APBA2: variants seen among roughly 807,000 people sequenced by gnomAD.
APBA2 encodes amyloid beta precursor protein binding family A member 2, also known as amyloid-beta A4 precursor protein-binding family A member 2.
In APBA2, 30 loss-of-function variants were observed where a neutral mutation model predicts 75.0. The ratio of observed to expected loss-of-function variants is 0.40; its 90% CI spans 0.30 to 0.54. APBA2 has a LOEUF of 0.54. Among genes scored for constraint, APBA2 ranks in the 20% least tolerant of loss-of-function variants. The probability of loss-of-function intolerance (pLI) is 0.49; values close to 1 mark genes in which losing one functional copy is unlikely to be tolerated. For synonymous variants in APBA2, 444 were observed against 409.6 expected (o/e 1.08, Z -1.01); for missense variants, 801 against 1,016.1 (o/e 0.79, Z 2.88).
intron 2 of APBA2, among the ~76,000 whole-genome samples, chr15:28,933,970 G>T (rs1321902177): frequency 6.6e-6 from 1 of 152,176 alleles, no homozygotes; most frequent in African/African-American, 2.4e-5. Flanking sequence ...AGGAGAAAGG[G>T]GGGCATGGGC....
intron 3 of APBA2, among the ~76,000 whole-genome samples, chr15:29,001,850 A>C (rs1031616510): frequency 9.9e-5 from 15 of 152,194 alleles, no homozygotes; most frequent in African/African-American, 3.6e-4. Context: ...AGCACGAGGA[A>C]CTGTGAGCCC....
At chr15:29,101,332 C>T (rs773953541) in intron 9 of APBA2, among the ~76,000 whole-genome samples, 1 of 151,716 alleles carries the variant, frequency 6.6e-6, no homozygotes, top group African/African-American at 2.4e-5. Context: ...ACAGTTCAAG[C>T]GATTCTCCTG....
chr15:29,053,600 G>C (rs538808442), intron 3 of APBA2, among the ~76,000 whole-genome samples: 1 of 152,092 alleles, frequency 6.6e-6, no homozygotes, highest in Admixed American at 6.5e-5. Context: ...GTGTGTCCTC[G>C]TGAGTTGCCG....
intron 6 of APBA2, among the ~76,000 whole-genome samples, chr15:29,080,018 C>T (rs2043019857): frequency 6.6e-6 from 1 of 152,100 alleles, no homozygotes; most frequent in Non-Finnish European, 1.5e-5. Context: ...TGTGTGCAGT[C>T]CCATGGCTGT....
At chr15:28,971,248 G>T (rs962279952) in intron 2 of APBA2, among the ~76,000 whole-genome samples, 2 of 152,024 alleles carry the variant, frequency 1.3e-5, no homozygotes, top group South Asian at 4.2e-4. Flanking sequence ...TTGGATAAGG[G>T]GGGATCCCTG....
At chr15:29,006,488 C>T (rs1315815391) in intron 3 of APBA2, among the ~76,000 whole-genome samples, 2 of 152,140 alleles carry the variant, frequency 1.3e-5, no homozygotes, top group African/African-American at 4.8e-5. Flanking sequence ...CTATATTAGT[C>T]CATTCTCATG....
At chr15:29,020,571 C>A (rs2039901915) in intron 3 of APBA2, among the ~76,000 whole-genome samples, 1 of 151,858 alleles carries the variant, frequency 6.6e-6, no homozygotes, top group Non-Finnish European at 1.5e-5. Flanking sequence ...TTTGAGAGGC[C>A]GAGAGGGGTG....
At chr15:28,952,913 A>G (rs1225698896) in intron 2 of APBA2, among the ~76,000 whole-genome samples, 1 of 152,228 alleles carries the variant, frequency 6.6e-6, no homozygotes, top group Non-Finnish European at 1.5e-5. Flanking sequence ...TCAAGCAGCT[A>G]ATGGAGATCG....
intron 2 of APBA2, among the ~76,000 whole-genome samples, chr15:28,924,254 A>T (rs189739855): frequency 0.033 from 5,036 of 151,592 alleles, 280 homozygotes; most frequent in African/African-American, 0.11. Context: ...TTTTTTTTTT[A>T]AAAAAGTGGG....
At chr15:28,951,785 G>A (rs563593807) in intron 2 of APBA2, among the ~76,000 whole-genome samples, 2 of 148,218 alleles carry the variant, frequency 1.3e-5, no homozygotes, top group South Asian at 4.4e-4. Flanking sequence ...GTTTCACCAT[G>A]TTGGCCAGGA....
chr15:28,928,558 A>T (rs2152684398), intron 2 of APBA2, among the ~76,000 whole-genome samples: 1 of 152,178 alleles, frequency 6.6e-6, no homozygotes, highest in African/African-American at 2.4e-5. Context: ...ACTGTCACAG[A>T]TGTTTCTTCT....
intron 3 of APBA2, among the ~76,000 whole-genome samples, chr15:29,039,182 A>G (rs377113705): frequency 5.6e-5 from 8 of 142,204 alleles, no homozygotes; most frequent in Admixed American, 2.2e-4. Flanking sequence ...GAGGAGTTGC[A>G]TTGCTTCCCT....
In APBA2 at chr15:29,055,878, T is replaced by G. The variant is rs74007067; in HGVS notation, c.951+1043T>G. Among the ~76,000 whole-genome samples, 446 of 152,292 alleles carry G rather than the reference T, an allele frequency of 2.9e-3. 3 individuals carry two copies. Among genetic ancestry groups the G allele is most frequent in the African/African-American group, 0.01 (419 of 41,546 alleles). ...GGGTGTTCCTGTCATTCACAGCAAT[T>G]CCGTGTTTACAGGGGGCTGTGGGAT... On this transcript the variant is annotated intron_variant, in intron 4 of 14. Coordinates refer to ENST00000683413, the MANE Select transcript of APBA2 (RefSeq NM_001353788.2).
intron 4 of APBA2, among the ~76,000 whole-genome samples, chr15:29,062,957 T>TC (rs2042198640): frequency 3.1e-5 from 4 of 127,294 alleles, no homozygotes; most frequent in Admixed American, 7.9e-5. Context: ...GGAGTTGATC[T>TC]GGTCAGTGTC....
intron 2 of APBA2, among the ~76,000 whole-genome samples, chr15:28,934,394 G>C (rs67875841): frequency 0.32 from 48,030 of 152,092 alleles, 12,618 homozygotes; most frequent in African/African-American, 0.7. Context: ...CTGTCCTTGT[G>C]TGGTCTGTAG....
At position 29,074,969 on chromosome 15, in the gene APBA2, A is replaced by G. The variant is rs771087956; in HGVS notation, c.1000A>G (p.Asn334Asp). 1 of 1,614,150 alleles carries G rather than the reference A, an allele frequency of 6.2e-7. No individual in the cohort carries two copies. The highest frequency in any genetic ancestry group is 8.5e-7 in the Non-Finnish European group (1 of 1,179,988). The change falls in exon 5 of 15, where the codon AAT (asparagine) becomes GAT (aspartate). Residue 334 changes from asparagine (N) to aspartate (D), a missense_variant. Around this residue, in one of 2 missense-constraint regions of APBA2, gnomAD observed 434 missense variants for 471.6 expected, o/e 0.92. Coordinates refer to ENST00000683413, the MANE Select transcript of APBA2 (RefSeq NM_001353788.2). ...QPRKQQRSDL[N>D]GPVDNNNIPE... ...AAGGAAGCAGCAGCGCTCTGATCTC[A>G]ATGGACCTGTTGACAATAACAACAT...
At chr15:28,899,733 C>T (rs1344757482) in intron 1 of APBA2, among the ~76,000 whole-genome samples, 1 of 152,164 alleles carries the variant, frequency 6.6e-6, no homozygotes, top group Non-Finnish European at 1.5e-5. Context: ...TTCCGATTCA[C>T]AGGGCAAAGG....
intron 3 of APBA2, among the ~76,000 whole-genome samples, chr15:29,035,580 A>G (rs2040704620): frequency 6.6e-6 from 1 of 152,116 alleles, no homozygotes; most frequent in Non-Finnish European, 1.5e-5. Flanking sequence ...GGAAGCTGCT[A>G]ATGTGTTTTT....
Position 28,952,343 on chromosome 15 carries a change from A to T in APBA2, c.-95+30594A>T, listed in dbSNP as rs76592372. Among the ~76,000 whole-genome samples, 1,285 of 152,236 alleles carry T rather than the reference A, an allele frequency of 8.4e-3. 11 individuals carry two copies. The highest frequency in any genetic ancestry group is 0.012 in the Non-Finnish European group (843 of 68,014). The stretch of plus-strand genomic sequence containing the variant: ...CCAGGAGTTCAAGAACAGTCTGGGT[A>T]GCATAGAGTGACCTTGTCTCTACAA... On this transcript the variant is annotated intron_variant, in intron 2 of 14. Coordinates refer to ENST00000683413, the MANE Select transcript of APBA2 (RefSeq NM_001353788.2).
Sources: allele counts gnomAD v4.1 joint callset (sites outside exome capture counted in the v4.1 genomes callset), GRCh38; gene constraint gnomAD v4.1.1; regional missense constraint gnomAD v4.1.1; transcripts MANE v1.5; gene names NCBI Gene and HGNC (gene_info 2026-07-23, HGNC 2026-07-21).